Variants in NKAIN2 observed in about 807,000 individuals in gnomAD.
NKAIN2 encodes sodium/potassium transporting ATPase interacting 2.
NKAIN2 carries 14 observed loss-of-function variants against 32.6 expected under a neutral mutation model. The observed-to-expected ratio is 0.43, with a 90% confidence interval of 0.28 to 0.67. NKAIN2 has a LOEUF of 0.67. Ranked by LOEUF, NKAIN2 falls within the 30% of genes least tolerant of loss-of-function variation. The pLI, the probability that NKAIN2 is intolerant of heterozygous loss-of-function variation, is 0.17. For synonymous variants in NKAIN2, 80 were observed against 87.2 expected (o/e 0.92, Z 0.46); for missense variants, 198 against 258.3 (o/e 0.77, Z 1.60).
At chr6:123,864,087 T>C (rs1469738518) in intron 1 of NKAIN2, among the ~76,000 whole-genome samples, 1 of 152,216 alleles carries the variant, frequency 6.6e-6, no homozygotes, top group Non-Finnish European at 1.5e-5. Context: ...GATTGCTTGC[T>C]TGCTTGTTTT....
chr6:124,537,641 A>G (rs1779764705), intron 3 of NKAIN2, among the ~76,000 whole-genome samples: 1 of 152,158 alleles, frequency 6.6e-6, no homozygotes, highest in African/African-American at 2.4e-5. Context: ...TTCTGACACT[A>G]TCATTGTGAA....
At chr6:124,509,525 C>A (rs530063773) in intron 3 of NKAIN2, among the ~76,000 whole-genome samples, 1 of 152,110 alleles carries the variant, frequency 6.6e-6, no homozygotes. Context: ...GTCTTTATTT[C>A]GTTCTACCAC....
At position 123,876,622 on chromosome 6, in the gene NKAIN2, G is replaced by C. The variant is rs552357088; in HGVS notation, c.54+72368G>C. Among the ~76,000 whole-genome samples the C allele has an allele frequency of 2.0e-5, 3 of 152,262 alleles. No homozygotes were observed. In the South Asian group the frequency reaches 6.2e-4, roughly 32 times the overall value. On this transcript the variant is annotated intron_variant, in intron 1 of 6. Transcript: ENST00000368417. The stretch of plus-strand genomic sequence containing the variant: ...TAGGGAGTCCAGTGCCAGTCTGAAG[G>C]CCTGAAAACAAGGAGCATGGAGGGT...
intron 4 of NKAIN2, among the ~76,000 whole-genome samples, chr6:124,780,950 T>C (rs1202155656): frequency 1.3e-5 from 2 of 152,164 alleles, no homozygotes; most frequent in African/African-American, 2.4e-5. Context: ...CCACAAGTAG[T>C]ATTAAACTCC....
intron 1 of NKAIN2, among the ~76,000 whole-genome samples, chr6:124,260,069 C>G (rs1582943148): frequency 6.6e-6 from 1 of 152,146 alleles, no homozygotes; most frequent in African/African-American, 2.4e-5. Context: ...ATAAATCACT[C>G]TAATAACAAG....
chr6:124,155,288 T>C (rs572309175), intron 1 of NKAIN2, among the ~76,000 whole-genome samples: 2 of 152,168 alleles, frequency 1.3e-5, no homozygotes, highest in Admixed American at 6.5e-5. Context: ...AATATATAGC[T>C]TCAAACAGCT....
Position 124,791,376 on chromosome 6 carries a change from G to C in NKAIN2, c.512G>C (p.Cys171Ser), listed in dbSNP as rs182153928. 26 of 1,608,152 alleles carry C rather than the reference G, an allele frequency of 1.6e-5. No individual in the cohort carries two copies. The African/African-American group carries it at 2.4e-4, about 15-fold the overall frequency. The change falls in exon 5 of 7, where the codon TGT (cysteine) becomes TCT (serine). Residue 171 changes from cysteine (C) to serine (S), a missense_variant. Transcript: ENST00000368417. ...GFIYACYVVK[C>S]ITEEEDSFDF... ...ATCTACGCCTGTTATGTTGTGAAAT[G>C]TATAACTGAAGAAGAGGACAGCTGT...
intron 1 of NKAIN2, among the ~76,000 whole-genome samples, chr6:123,854,869 A>G (rs1775495997): frequency 6.6e-6 from 1 of 152,188 alleles, no homozygotes; most frequent in African/African-American, 2.4e-5. Context: ...AGGTGGATCT[A>G]AAGGAACTTT....
intron 2 of NKAIN2, among the ~76,000 whole-genome samples, chr6:124,354,010 A>G (rs938773990): frequency 1.3e-5 from 2 of 152,154 alleles, no homozygotes; most frequent in Non-Finnish European, 2.9e-5. Flanking sequence ...CTCTTGTTTC[A>G]CTTTTTCAGA....
At chr6:124,638,887 CAAAAAAAA>C (rs35802663) in intron 3 of NKAIN2, among the ~76,000 whole-genome samples, 147 of 82,628 alleles carry the variant, frequency 1.8e-3, no homozygotes, top group Non-Finnish European at 2.1e-3. Context: ...GAGACTCTGT[CAAAAAAAA>C]AAAAAAAAAA....
At chr6:124,571,268 A>T (rs1383934183) in intron 3 of NKAIN2, among the ~76,000 whole-genome samples, 6 of 152,144 alleles carry the variant, frequency 3.9e-5, no homozygotes, top group Admixed American at 3.9e-4. Context: ...GTGCTGAAAT[A>T]AGTTAAGACT....
At chr6:124,791,962 T>C (rs1476149445) in intron 5 of NKAIN2, among the ~76,000 whole-genome samples, 2 of 152,128 alleles carry the variant, frequency 1.3e-5, no homozygotes, top group Non-Finnish European at 2.9e-5. Flanking sequence ...CATTGAGACA[T>C]ATTGCTTGAT....
chr6:124,460,156 G>A (rs1776477560), intron 3 of NKAIN2, among the ~76,000 whole-genome samples: 1 of 151,618 alleles, frequency 6.6e-6, no homozygotes, highest in East Asian at 1.9e-4. Flanking sequence ...TAGCCTTCAG[G>A]TTAGCCTTTA....
At chr6:123,890,200 A>T (rs1179588677) in intron 1 of NKAIN2, among the ~76,000 whole-genome samples, 1 of 152,044 alleles carries the variant, frequency 6.6e-6, no homozygotes, top group Non-Finnish European at 1.5e-5. Flanking sequence ...TTTTGCATTC[A>T]TTATATCATC....
At chr6:124,266,727 G>A (rs894623654) in intron 1 of NKAIN2, among the ~76,000 whole-genome samples, 1 of 152,178 alleles carries the variant, frequency 6.6e-6, no homozygotes, top group African/African-American at 2.4e-5. Flanking sequence ...GCTTAGCATA[G>A]TGAGGTAACA....
At chr6:124,462,598 A>G (rs760049715) in intron 3 of NKAIN2, among the ~76,000 whole-genome samples, 1 of 151,978 alleles carries the variant, frequency 6.6e-6, no homozygotes, top group African/African-American at 2.4e-5. Context: ...GCCTGTCCCC[A>G]GTAATCTAGA....
intron 1 of NKAIN2, among the ~76,000 whole-genome samples, chr6:124,127,876 G>T (rs551900725): frequency 1.3e-5 from 2 of 152,112 alleles, no homozygotes; most frequent in African/African-American, 4.8e-5. Context: ...TGCCCAGGCT[G>T]GAGTGCAGTG....
At chr6:123,989,616 C>T (rs560453639) in intron 1 of NKAIN2, among the ~76,000 whole-genome samples, 1 of 152,238 alleles carries the variant, frequency 6.6e-6, no homozygotes, top group African/African-American at 2.4e-5. Flanking sequence ...TTACTTGTCA[C>T]AGTTTTAAGT....
At chr6:124,635,449 G>C (rs928592393) in intron 3 of NKAIN2, among the ~76,000 whole-genome samples, 3 of 151,948 alleles carry the variant, frequency 2.0e-5, no homozygotes, top group Non-Finnish European at 2.9e-5. Context: ...ATTAATAAAT[G>C]ATGGGAGTAA....
Sources: allele counts gnomAD v4.1 joint callset (sites outside exome capture counted in the v4.1 genomes callset), GRCh38; gene constraint gnomAD v4.1.1; transcripts MANE v1.5; gene names NCBI Gene and HGNC (gene_info 2026-07-23, HGNC 2026-07-21).